The following MYLK variants were observed in gnomAD, a reference collection of about 807,000 sequenced individuals.
MYLK encodes the protein myosin light chain kinase, also known as myosin light chain kinase, smooth muscle.
In MYLK, 106 loss-of-function variants were observed where a neutral mutation model predicts 203.4. The observed-to-expected ratio is 0.52, with a 90% CI of 0.45 to 0.61. MYLK has a LOEUF of 0.61. Ranked by LOEUF, MYLK falls within the 20% of genes least tolerant of loss-of-function variation. The pLI, the probability that MYLK is intolerant of heterozygous loss-of-function variation, is 0.00. For synonymous variants in MYLK, 867 were observed against 959.5 expected (o/e 0.90, Z 1.78); for missense variants, 2,072 against 2,442.3 (o/e 0.85, Z 3.20).
rs1560259862 is a variant in MYLK at position 123,820,642 on chromosome 3, CCCTCCT to C, written c.-4+10900_-4+10905del. On this transcript the variant is annotated intron_variant, in intron 3 of 33. Coordinates refer to ENST00000360304, the MANE Select transcript of MYLK (RefSeq NM_053025.4). Reference sequence around the variant, plus strand: ...TCCTTCCTTCCTTCCTTCCTTCCTTCCCTCCTTCCTTCCTTCCTTCCCTCCTTCCTT... The same window carrying C: ...TCCTTCCTTCCTTCCTTCCTTCCTTCTCCTTCCTTCCTTCCCTCCTTCCTT... Among the ~76,000 whole-genome samples, 10 of 79,808 alleles carry C rather than the reference CCCTCCT, an allele frequency of 1.3e-4. 1 individual carries two copies. Among genetic ancestry groups the C allele is most frequent in the Admixed American group, 2.9e-4 (2 of 6,902 alleles). 52.4% of individuals were successfully genotyped at this position (79,808 alleles called of 152,430 possible).
Position 123,647,399 on chromosome 3 carries a change from C to T in MYLK, c.4444G>A (p.Val1482Ile), listed in dbSNP as rs1310994208. The T allele has an allele frequency of 6.2e-7, 1 of 1,614,224 alleles. No homozygotes were observed. The highest frequency in any genetic ancestry group is 8.5e-7 in the Non-Finnish European group (1 of 1,180,026). ...CAGACTTTTCGAGTTTTCTTTTCTACAAGTCGAAAGACCTGTCCAAATTTC... is the reference window on the plus strand; with the variant it reads ...CAGACTTTTCGAGTTTTCTTTTCTATAAGTCGAAAGACCTGTCCAAATTTC... ...SGKFGQVFRL[V>I]EKKTRKVWAG... The change falls in exon 27 of 34, where the codon GTA becomes ATA. Residue 1482 changes from valine to isoleucine, a missense_variant. Physicochemically the swap from Val to Ile is conservative, Grantham distance 29 (BLOSUM62 3). Around this residue, in one of 3 missense-constraint regions of MYLK, gnomAD observed 524 missense variants for 782.4 expected, o/e 0.67. Coordinates refer to ENST00000360304, the MANE Select transcript of MYLK (RefSeq NM_053025.4).
chr3:123,672,077 G>C (rs371512858), intron 20 of MYLK, among the ~76,000 whole-genome samples: 15 of 152,184 alleles, frequency 9.9e-5, no homozygotes, highest in African/African-American at 3.6e-4. Flanking sequence ...ACCTCAGAAT[G>C]TGACCGTATT....
chr3:123,771,721 C>T (rs1194410176), intron 4 of MYLK, among the ~76,000 whole-genome samples: 1 of 152,202 alleles, frequency 6.6e-6, no homozygotes, highest in Non-Finnish European at 1.5e-5. Flanking sequence ...AACATAGTGA[C>T]TCCATCAAAC....
At chr3:123,735,088 A>T (rs1406872113) in intron 9 of MYLK, 1 of 407,818 alleles carries the variant, frequency 2.5e-6, no homozygotes, top group Non-Finnish European at 4.6e-6. Flanking sequence ...CCGCCCTGGA[A>T]TGAGGAAGGC....
chr3:123,682,514 G>T (rs2060305186), intron 19 of MYLK, among the ~76,000 whole-genome samples: 1 of 152,214 alleles, frequency 6.6e-6, no homozygotes, highest in Non-Finnish European at 1.5e-5. Context: ...ACTACCCTGG[G>T]CCTGATTAAT....
At chr3:123,637,094 A>G (rs985777508) in intron 29 of MYLK, among the ~76,000 whole-genome samples, 3 of 152,196 alleles carry the variant, frequency 2.0e-5, no homozygotes, top group Non-Finnish European at 4.4e-5. Flanking sequence ...CTCATTTTCT[A>G]TGAAAATGTT....
At chr3:123,664,726 T>G (rs923888215) in intron 22 of MYLK, among the ~76,000 whole-genome samples, 1 of 152,214 alleles carries the variant, frequency 6.6e-6, no homozygotes, top group African/African-American at 2.4e-5. Flanking sequence ...CATCAACTGA[T>G]GAACAAATAA....
rs371825849 is a variant in MYLK, at chr3:123,734,004, G to A, written c.992C>T (p.Thr331Met). 3.1e-5 allele frequency: 50 copies of A among 1,614,074 alleles called. No individual in the cohort carries two copies. The highest frequency in any genetic ancestry group is 1.9e-4 in the African/African-American group (14 of 74,944). Residue 331 changes from threonine to methionine, a missense_variant, in exon 10 of 34, where the codon ACG (threonine) becomes ATG (methionine). Physicochemically the swap from Thr to Met is moderately conservative, Grantham distance 81. Coordinates refer to ENST00000360304, the MANE Select transcript of MYLK (RefSeq NM_053025.4). ...KLESCKDSPR[T>M]APQTPVLQKT... ...CTGAAGGACCGGGGTCTGCGGGGCC[G>A]TTCTGGGCGAGTCCTTGCATGACTC... is the stretch of plus-strand genomic sequence containing the variant.
At chr3:123,730,229 T>A (rs897912267) in intron 11 of MYLK, among the ~76,000 whole-genome samples, 11 of 152,000 alleles carry the variant, frequency 7.2e-5, no homozygotes, top group East Asian at 1.9e-4. Context: ...CCTCATTTTT[T>A]AAAAAAAGCA....
intron 16 of MYLK, 52 bp downstream of exon 16, chr3:123,707,702 T>C (rs1448222132): frequency 3.1e-6 from 5 of 1,613,070 alleles, no homozygotes; most frequent in East Asian, 4.5e-5. Context: ...TTAGGGGAGC[T>C]AGGAATTTGG....
intron 2 of MYLK, among the ~76,000 whole-genome samples, chr3:123,861,729 C>T (rs561894446): frequency 5.3e-5 from 8 of 152,298 alleles, no homozygotes; most frequent in African/African-American, 1.4e-4. Flanking sequence ...TCAACAGGTA[C>T]CCCAGCAGGT....
intron 17 of MYLK, 41 bp downstream of exon 17, chr3:123,701,397 T>TGGGGGCATGGCCTGG (rs769246165): frequency 6.2e-7 from 1 of 1,600,330 alleles, no homozygotes; most frequent in South Asian, 1.1e-5. Context: ...AAGGTGGGGA[T>TGGGGGCATGGCCTGG]GGGGGCATGG....
intron 22 of MYLK, among the ~76,000 whole-genome samples, chr3:123,665,917 G>C (rs2108337005): frequency 6.6e-6 from 1 of 152,276 alleles, no homozygotes; most frequent in African/African-American, 2.4e-5. Flanking sequence ...TCCTGACTCT[G>C]AATAGGATTC....
chr3:123,752,210 T>G, intron 5 of MYLK, 121 bp downstream of exon 5: 2 of 1,033,098 alleles, frequency 1.9e-6, no homozygotes, highest in Non-Finnish European at 3.0e-6. Context: ...GGTTCAAGGA[T>G]GGGGTGTGTT....
intron 3 of MYLK, among the ~76,000 whole-genome samples, chr3:123,801,461 G>A (rs569096707): frequency 6.6e-6 from 1 of 152,274 alleles, no homozygotes; most frequent in East Asian, 1.9e-4. Context: ...GAGTACATGT[G>A]CAGGTTTATT....
At chr3:123,787,864 G>A (rs564601751) in intron 4 of MYLK, among the ~76,000 whole-genome samples, 3 of 152,160 alleles carry the variant, frequency 2.0e-5, no homozygotes, top group Non-Finnish European at 2.9e-5. Flanking sequence ...TATGCTTCTT[G>A]TTTACCCTTT....
intron 3 of MYLK, among the ~76,000 whole-genome samples, chr3:123,830,973 G>A (rs116679083): frequency 6.1e-3 from 931 of 152,264 alleles, no homozygotes; most frequent in Non-Finnish European, 9.6e-3. Flanking sequence ...TATCACACAG[G>A]ATTTCTCACC....
At chr3:123,731,827 C>T (rs954744999) in intron 11 of MYLK, among the ~76,000 whole-genome samples, 6 of 151,686 alleles carry the variant, frequency 4.0e-5, no homozygotes, top group African/African-American at 1.5e-4. Flanking sequence ...TAAAACACCA[C>T]GAATTCCTTT....
intron 2 of MYLK, among the ~76,000 whole-genome samples, chr3:123,867,842 G>T (rs1370794234): frequency 6.6e-6 from 1 of 152,098 alleles, no homozygotes; most frequent in African/African-American, 2.4e-5. Context: ...CAGTCCTCAG[G>T]TCCACAGCTC....
Sources: allele counts gnomAD v4.1 joint callset (sites outside exome capture counted in the v4.1 genomes callset), GRCh38; gene constraint gnomAD v4.1.1; regional missense constraint gnomAD v4.1.1; transcripts MANE v1.5; gene names NCBI Gene and HGNC (gene_info 2026-07-23, HGNC 2026-07-21).